The following NELL1 variants were observed in gnomAD, a reference collection of about 807,000 sequenced individuals.
The protein encoded by NELL1 is neural EGFL like 1.
NELL1 carries 76 observed loss-of-function variants against 107.4 expected under a neutral mutation model. That is an observed-to-expected ratio of 0.71 (90% CI 0.59 to 0.86). NELL1 has a LOEUF of 0.86. NELL1 is among the 40% of genes least tolerant of loss of function. The pLI is 0.00. For missense variants in NELL1, 1,024 were observed against 1,005.5 expected (o/e 1.02, Z -0.25); for synonymous variants, 353 against 341.2 (o/e 1.03, Z -0.38).
chr11:21,164,396 A>G (rs1450992178), intron 13 of NELL1, among the ~76,000 whole-genome samples: 1 of 152,192 alleles, frequency 6.6e-6, no homozygotes, highest in Non-Finnish European at 1.5e-5. Context: ...TCAATTCTGT[A>G]CAAACATTTC....
chr11:21,305,287 G>A (rs959156078), intron 14 of NELL1, among the ~76,000 whole-genome samples: 7 of 152,014 alleles, frequency 4.6e-5, no homozygotes, highest in Non-Finnish European at 8.8e-5. Flanking sequence ...AAAATGTGCA[G>A]ATGCAGATGT....
At chr11:20,984,377 CT>C (rs1163567490) in intron 12 of NELL1, among the ~76,000 whole-genome samples, 8 of 152,168 alleles carry the variant, frequency 5.3e-5, no homozygotes, top group Non-Finnish European at 1.0e-4. Context: ...TGCTACCTGA[CT>C]TTGAGTCAGT....
At chr11:20,921,637 A>C (rs1850378190) in intron 7 of NELL1, among the ~76,000 whole-genome samples, 2 of 152,142 alleles carry the variant, frequency 1.3e-5, no homozygotes, top group African/African-American at 4.8e-5. Flanking sequence ...AGCAAATAAA[A>C]AAGAAAGGAA....
intron 4 of NELL1, among the ~76,000 whole-genome samples, chr11:20,857,782 A>G (rs1249549862): frequency 1.3e-5 from 2 of 152,216 alleles, no homozygotes; most frequent in Non-Finnish European, 2.9e-5. Flanking sequence ...AGCAGACACA[A>G]GCCCTACGGG....
Position 21,319,421 on chromosome 11 carries a change from C to G in NELL1, c.1550-51432C>G, listed in dbSNP as rs377240222. Reference sequence around the variant, plus strand: ...GCCAGGTTGGTCTCAAACTCCTGGCCTCAAATGATCCACCTGCCTTGACCT... The same window carrying G: ...GCCAGGTTGGTCTCAAACTCCTGGCGTCAAATGATCCACCTGCCTTGACCT... On this transcript the variant is annotated intron_variant, in intron 14 of 19. Transcript: ENST00000357134. Among the ~76,000 whole-genome samples the G allele has an allele frequency of 9.3e-5, 14 of 150,408 alleles. No individual in the cohort carries two copies. The East Asian group carries it at 2.8e-3, about 30-fold the overall frequency.
chr11:20,742,626 G>T (rs891117899), intron 2 of NELL1, among the ~76,000 whole-genome samples: 2 of 152,194 alleles, frequency 1.3e-5, no homozygotes, highest in African/African-American at 4.8e-5. Flanking sequence ...GCAAGAGAGC[G>T]TGTGCAGGAG....
chr11:20,861,851 A>G (rs547887508), intron 4 of NELL1, among the ~76,000 whole-genome samples: 1 of 152,310 alleles, frequency 6.6e-6, no homozygotes, highest in Admixed American at 6.5e-5. Context: ...TTGCCAAGTT[A>G]CTTAGCTTTT....
chr11:21,312,810 G>A (rs1353305999), intron 14 of NELL1, among the ~76,000 whole-genome samples: 1 of 151,964 alleles, frequency 6.6e-6, no homozygotes, highest in Admixed American at 6.6e-5. Context: ...AAAATATGAA[G>A]TATGGCACTG....
intron 10 of NELL1, among the ~76,000 whole-genome samples, chr11:20,939,554 G>A (rs896172969): frequency 3.3e-5 from 5 of 152,120 alleles, no homozygotes; most frequent in African/African-American, 1.2e-4. Context: ...GCAAAGTTTG[G>A]ATCATATGTC....
chr11:21,491,671 G>T (rs1854819723), intron 15 of NELL1, among the ~76,000 whole-genome samples: 1 of 152,094 alleles, frequency 6.6e-6, no homozygotes, highest in African/African-American at 2.4e-5. Context: ...GGATTGTCTT[G>T]GCGATGTGGG....
chr11:20,755,936 A>G (rs1209726762), intron 2 of NELL1, among the ~76,000 whole-genome samples: 3 of 137,254 alleles, frequency 2.2e-5, no homozygotes, highest in African/African-American at 8.8e-5. Flanking sequence ...TCTGTCTCCC[A>G]GGCTGGAGTG....
At position 21,005,765 on chromosome 11, in the gene NELL1, C is replaced by T. The variant is rs550665391; in HGVS notation, c.1300+45205C>T. Reference sequence around the variant, plus strand: ...AATGACTTTAATTTGCAGTGGCAAACGTAACCGTGATGGATTCTTTAGAAA... The same window carrying T: ...AATGACTTTAATTTGCAGTGGCAAATGTAACCGTGATGGATTCTTTAGAAA... On this transcript the variant is annotated intron_variant, in intron 12 of 19. Transcript: ENST00000357134. Among the ~76,000 whole-genome samples the T allele has an allele frequency of 1.9e-4, 29 of 152,264 alleles. No individual in the cohort carries two copies. In the East Asian group the frequency reaches 2.7e-3, roughly 14 times the overall value.
At chr11:21,172,745 A>T (rs1856633085) in intron 13 of NELL1, among the ~76,000 whole-genome samples, 1 of 151,824 alleles carries the variant, frequency 6.6e-6, no homozygotes, top group South Asian at 2.1e-4. Context: ...CTGCATTTTC[A>T]GGAATGAGAC....
intron 14 of NELL1, among the ~76,000 whole-genome samples, chr11:21,347,635 T>C (rs893395602): frequency 6.6e-6 from 1 of 152,044 alleles, no homozygotes; most frequent in Non-Finnish European, 1.5e-5. Context: ...AAAGAAACCA[T>C]AACAGGACAT....
At chr11:20,964,434 C>A (rs1005688351) in intron 12 of NELL1, among the ~76,000 whole-genome samples, 4 of 152,178 alleles carry the variant, frequency 2.6e-5, no homozygotes, top group Non-Finnish European at 5.9e-5. Flanking sequence ...AATGATAATA[C>A]CTTTTACTTG....
intron 12 of NELL1, among the ~76,000 whole-genome samples, chr11:20,993,872 G>A (rs992407198): frequency 4.8e-4 from 68 of 140,766 alleles, no homozygotes; most frequent in Non-Finnish European, 3.5e-4. Flanking sequence ...ACAGAGAGCT[G>A]ACTGCATTGT....
intron 3 of NELL1, among the ~76,000 whole-genome samples, chr11:20,789,452 C>T (rs1195296643): frequency 6.6e-6 from 1 of 152,198 alleles, no homozygotes; most frequent in Admixed American, 6.5e-5. Flanking sequence ...TTGGAGACAC[C>T]AGGAACTGCA....
intron 12 of NELL1, among the ~76,000 whole-genome samples, chr11:21,027,354 A>G (rs990702118): frequency 1.3e-5 from 2 of 150,124 alleles, no homozygotes; most frequent in Admixed American, 6.6e-5. Flanking sequence ...TTTCATCTCT[A>G]TTTCTGGTTT....
At chr11:20,985,611 T>G (rs960041007) in intron 12 of NELL1, among the ~76,000 whole-genome samples, 3 of 152,116 alleles carry the variant, frequency 2.0e-5, no homozygotes, top group African/African-American at 7.2e-5. Flanking sequence ...GTTGGGCCCT[T>G]TTGAATCTCT....
Sources: allele counts gnomAD v4.1 joint callset (sites outside exome capture counted in the v4.1 genomes callset), GRCh38; gene constraint gnomAD v4.1.1; transcripts MANE v1.5; gene names NCBI Gene and HGNC (gene_info 2026-07-23, HGNC 2026-07-21).